MGMT: variants seen among roughly 807,000 people sequenced by gnomAD.
The protein encoded by MGMT is methylated-DNA--protein-cysteine methyltransferase.
Under a neutral mutation model 15.9 loss-of-function variants are expected in MGMT, and 14 were observed. The observed-to-expected ratio is 0.88, with a 90% CI of 0.58 to 1.37. The LOEUF (loss-of-function observed/expected upper bound fraction) is 1.37, where lower values mean the gene tolerates loss of function less well. MGMT is among the 40% of genes most tolerant of loss of function. The probability of loss-of-function intolerance (pLI) is 0.00; values close to 1 mark genes in which losing one functional copy is unlikely to be tolerated. For synonymous variants in MGMT, 130 were observed against 118.2 expected, an observed-to-expected ratio of 1.10 and a Z score of -0.65; for missense variants, 282 against 268.1, an observed-to-expected ratio of 1.05 and a Z score of -0.36.
intron 3 of MGMT, among the ~76,000 whole-genome samples, chr10:129,733,429 G>C (rs1848524866): frequency 6.6e-6 from 1 of 150,886 alleles, no homozygotes; most frequent in Admixed American, 6.6e-5. Flanking sequence ...TTGTAAATTT[G>C]TTTGAGTTCA....
intron 1 of MGMT, among the ~76,000 whole-genome samples, chr10:129,486,043 A>G (rs1023598286): frequency 6.6e-6 from 1 of 152,204 alleles, no homozygotes; most frequent in Admixed American, 6.5e-5. Flanking sequence ...ATTAGACTTG[A>G]TATAGATAGA....
intron 3 of MGMT, among the ~76,000 whole-genome samples, chr10:129,742,999 A>AT (rs1457245590): frequency 9.4e-6 from 1 of 106,112 alleles, no homozygotes; most frequent in Non-Finnish European, 2.1e-5. Context: ...GTGGTAAACG[A>AT]TAAAAAAACG....
chr10:129,548,946 A>C (rs1173277419), intron 2 of MGMT, among the ~76,000 whole-genome samples: 1 of 152,184 alleles, frequency 6.6e-6, no homozygotes, highest in Non-Finnish European at 1.5e-5. Flanking sequence ...GCGCGGCCTG[A>C]CCTTGGGTCT....
chr10:129,488,702 T>C (rs1461803024), intron 1 of MGMT, among the ~76,000 whole-genome samples: 1 of 152,254 alleles, frequency 6.6e-6, no homozygotes, highest in Non-Finnish European at 1.5e-5. Flanking sequence ...TTCCTTTTCA[T>C]ATACAAGTCT....
At chr10:129,596,232 A>T (rs1846749978) in intron 2 of MGMT, among the ~76,000 whole-genome samples, 1 of 152,118 alleles carries the variant, frequency 6.6e-6, no homozygotes, top group African/African-American at 2.4e-5. Context: ...ATAATGCTAG[A>T]CTTTTCCAAT....
intron 2 of MGMT, among the ~76,000 whole-genome samples, chr10:129,596,365 T>G (rs1589885532): frequency 6.6e-6 from 1 of 152,346 alleles, no homozygotes; most frequent in Non-Finnish European, 1.5e-5. Context: ...GTTCATAAAT[T>G]GTTTATAAAT....
chr10:129,660,530 G>T (rs1216043034), intron 2 of MGMT, among the ~76,000 whole-genome samples: 2 of 152,126 alleles, frequency 1.3e-5, no homozygotes, highest in African/African-American at 4.8e-5. Context: ...AGTCAGTGGG[G>T]AGTCGGCTGG....
intron 2 of MGMT, among the ~76,000 whole-genome samples, chr10:129,646,842 C>T (rs966575064): frequency 6.7e-6 from 1 of 148,950 alleles, no homozygotes; most frequent in East Asian, 2.0e-4. Flanking sequence ...GAGGTGAGAG[C>T]GGCGGCTTTC....
chr10:129,624,257 C>A (rs61978620), intron 2 of MGMT, among the ~76,000 whole-genome samples: 5,177 of 152,282 alleles, frequency 0.034, 223 homozygotes, highest in African/African-American at 0.099. Flanking sequence ...TTCCTGGCAG[C>A]CCTGGGGATG....
intron 3 of MGMT, among the ~76,000 whole-genome samples, chr10:129,733,369 T>A (rs946775948): frequency 6.6e-6 from 1 of 152,102 alleles, no homozygotes; most frequent in Admixed American, 6.6e-5. Context: ...TTGAGAAGTG[T>A]CTGTTCATGT....
At chr10:129,595,321 C>T (rs1368154993) in intron 2 of MGMT, among the ~76,000 whole-genome samples, 1 of 152,172 alleles carries the variant, frequency 6.6e-6, no homozygotes, top group African/African-American at 2.4e-5. Context: ...TCAGGTTGGA[C>T]TCATAAGTGT....
At chr10:129,610,719 A>G (rs1249058628) in intron 2 of MGMT, among the ~76,000 whole-genome samples, 2 of 152,348 alleles carry the variant, frequency 1.3e-5, no homozygotes, top group East Asian at 3.9e-4. Context: ...TAGTTGCAAT[A>G]AAGTCTGACC....
Position 129,769,757 on chromosome 10 carries a change from C to T in MGMT, c.*2760C>T, listed in dbSNP as rs1848980610. Among the ~76,000 whole-genome samples the T allele has an allele frequency of 1.3e-5, 2 of 152,202 alleles. No homozygotes were observed. Reference sequence around the variant, plus strand: ...GTCCAGTAAACCCACCTGCATTCCACGTGTCCTGTGGCCGCCTCCAGTGGT... The same window carrying T: ...GTCCAGTAAACCCACCTGCATTCCATGTGTCCTGTGGCCGCCTCCAGTGGT... On this transcript the variant is annotated 3_prime_UTR_variant, in exon 5 of 5. Transcript: ENST00000651593.
At chr10:129,726,396 A>C (rs1205466215) in intron 3 of MGMT, among the ~76,000 whole-genome samples, 1 of 152,074 alleles carries the variant, frequency 6.6e-6, no homozygotes, top group Non-Finnish European at 1.5e-5. Flanking sequence ...TTTTGAAGCT[A>C]CTGTAGTCCT....
chr10:129,707,775 C>T (rs1266404279), intron 2 of MGMT, 120 bp from the exon 3 acceptor site: 4 of 1,328,742 alleles, frequency 3.0e-6, no homozygotes, highest in African/African-American at 1.4e-5. Flanking sequence ...CTAGTTGAGA[C>T]GTGTGTGCCC....
intron 2 of MGMT, among the ~76,000 whole-genome samples, chr10:129,630,597 G>C (rs1847198873): frequency 6.6e-6 from 1 of 152,186 alleles, no homozygotes; most frequent in African/African-American, 2.4e-5. Flanking sequence ...TACTTTGTTA[G>C]TGTGTGTGAG....
At chr10:129,545,453 CAT>C (rs1438386026) in intron 2 of MGMT, among the ~76,000 whole-genome samples, 1 of 152,232 alleles carries the variant, frequency 6.6e-6, no homozygotes, top group Non-Finnish European at 1.5e-5. Flanking sequence ...CTACTGTACA[CAT>C]GAGTCATTGT....
chr10:129,516,665 A>G (rs1181052892), intron 1 of MGMT, among the ~76,000 whole-genome samples: 1 of 152,230 alleles, frequency 6.6e-6, no homozygotes, highest in East Asian at 1.9e-4. Context: ...AGCTGAATCA[A>G]TACGAAGCAG....
rs567063589 is a variant in MGMT at position 129,527,223 on chromosome 10, G to C, written c.-12-9018G>C. Among the ~76,000 whole-genome samples the C allele has an allele frequency of 3.3e-5, 5 of 152,310 alleles. No individual in the cohort carries two copies. The East Asian group carries it at 9.7e-4, about 29-fold the overall frequency. On this transcript the variant is annotated intron_variant, in intron 1 of 4. Coordinates refer to ENST00000651593, the MANE Select transcript of MGMT (RefSeq NM_002412.5). ...AGTCCACTGGATGCCTGCTTGTCTG[G>C]TTGCCCCTTAGACTATGGTACTCTC...
Sources: allele counts gnomAD v4.1 joint callset (sites outside exome capture counted in the v4.1 genomes callset), GRCh38; gene constraint gnomAD v4.1.1; transcripts MANE v1.5; gene names NCBI Gene and HGNC (gene_info 2026-07-23, HGNC 2026-07-21).